Variants in TMEM117 observed in about 807,000 individuals in gnomAD.
TMEM117 encodes the protein transmembrane protein 117.
TMEM117 carries 27 observed loss-of-function variants against 52.4 expected under a neutral mutation model. That is an observed-to-expected ratio of 0.51 (90% CI 0.38 to 0.71). The LOEUF is 0.71. Ranked by LOEUF, TMEM117 falls within the 30% of genes least tolerant of loss-of-function variation. The pLI, the probability that TMEM117 is intolerant of heterozygous loss-of-function variation, is 0.00. For synonymous variants in TMEM117, 215 were observed against 206.3 expected (o/e 1.04, Z -0.36); for missense variants, 556 against 630.5 (o/e 0.88, Z 1.26).
chr12:44,240,269 C>A, intron 5 of TMEM117, among the ~76,000 whole-genome samples: 1 of 152,128 alleles, frequency 6.6e-6, no homozygotes, highest in East Asian at 1.9e-4. Flanking sequence ...CAGTTTGAAT[C>A]TTCACATTCC....
chr12:44,126,005 T>C (rs1232765472), intron 3 of TMEM117, among the ~76,000 whole-genome samples: 2 of 152,230 alleles, frequency 1.3e-5, no homozygotes, highest in Non-Finnish European at 2.9e-5. Context: ...TTGTTCAGTT[T>C]CCATGTAGTA....
chr12:44,117,184 G>C (rs1329093506), intron 3 of TMEM117, among the ~76,000 whole-genome samples: 1 of 152,058 alleles, frequency 6.6e-6, no homozygotes, highest in Non-Finnish European at 1.5e-5. Flanking sequence ...TAAGTGCCTT[G>C]AGTTCATCAT....
chr12:43,992,067 G>A (rs2137752231), intron 3 of TMEM117, among the ~76,000 whole-genome samples: 1 of 151,992 alleles, frequency 6.6e-6, no homozygotes, highest in African/African-American at 2.4e-5. Flanking sequence ...GGAGGCTGAG[G>A]TGGGAGGATC....
intron 6 of TMEM117, among the ~76,000 whole-genome samples, chr12:44,370,362 GA>G (rs920802264): frequency 6.6e-6 from 1 of 151,816 alleles, no homozygotes; most frequent in African/African-American, 2.4e-5. Context: ...AGTTTATAGG[GA>G]AAAAAATAAG....
intron 3 of TMEM117, among the ~76,000 whole-genome samples, chr12:44,115,949 A>G (rs1291390140): frequency 1.3e-5 from 2 of 152,130 alleles, no homozygotes; most frequent in East Asian, 1.9e-4. Context: ...TTATTGGTGT[A>G]TCTTTCTGTC....
the TMEM117 span, among the ~76,000 whole-genome samples, chr12:43,804,761 C>A: frequency 6.6e-6 from 1 of 152,124 alleles, no homozygotes; most frequent in Non-Finnish European, 1.5e-5. Context: ...TAAATATTAG[C>A]ATTTTAAAAG....
At chr12:44,123,146 T>C (rs1565837729) in intron 3 of TMEM117, among the ~76,000 whole-genome samples, 1 of 152,234 alleles carries the variant, frequency 6.6e-6, no homozygotes. Context: ...TTGATTTGCA[T>C]TTCTCTAATA....
intron 2 of TMEM117, among the ~76,000 whole-genome samples, chr12:43,849,088 CAG>C (rs1943261699): frequency 6.6e-6 from 1 of 152,156 alleles, no homozygotes; most frequent in South Asian, 2.1e-4. Context: ...CTCATTGACA[CAG>C]AGAATATTTA....
At chr12:43,897,949 A>G (rs1592343855) in intron 2 of TMEM117, among the ~76,000 whole-genome samples, 2 of 151,730 alleles carry the variant, frequency 1.3e-5, no homozygotes, top group South Asian at 4.1e-4. Flanking sequence ...TTTTTCTCTC[A>G]TGACCCTTGT....
chr12:43,815,812 C>T, the TMEM117 span, among the ~76,000 whole-genome samples: 1 of 152,164 alleles, frequency 6.6e-6, no homozygotes, highest in African/African-American at 2.4e-5. Flanking sequence ...TTTTGAACAC[C>T]GATGACAATG....
chr12:43,956,485 T>C (rs1296873231), intron 3 of TMEM117, among the ~76,000 whole-genome samples: 2 of 50,370 alleles, frequency 4.0e-5, no homozygotes, highest in Non-Finnish European at 7.2e-5. Flanking sequence ...GCAAAGGATA[T>C]AAACAGACAC....
At chr12:44,361,193 G>A (rs944346761) in intron 6 of TMEM117, among the ~76,000 whole-genome samples, 2 of 151,874 alleles carry the variant, frequency 1.3e-5, no homozygotes, top group South Asian at 2.1e-4. Context: ...AAAACTCCAC[G>A]CTATAATTTG....
At chr12:44,242,898 CT>C (rs1950081258) in intron 5 of TMEM117, among the ~76,000 whole-genome samples, 1 of 151,468 alleles carries the variant, frequency 6.6e-6, no homozygotes, top group East Asian at 1.9e-4. Context: ...TAAGTGTTCC[CT>C]TTTTTGTGCA....
intron 5 of TMEM117, among the ~76,000 whole-genome samples, chr12:44,263,068 A>T (rs902330386): frequency 3.3e-5 from 5 of 152,220 alleles, no homozygotes; most frequent in African/African-American, 1.2e-4. Flanking sequence ...GCTATGTCAC[A>T]GACAGGCAAT....
chr12:44,122,831 T>C (rs1006213838), intron 3 of TMEM117, among the ~76,000 whole-genome samples: 5 of 152,204 alleles, frequency 3.3e-5, no homozygotes, highest in African/African-American at 1.2e-4. Flanking sequence ...GCATTTAGGT[T>C]GATTCCCTGT....
At chr12:43,884,082 G>T (rs911864353) in intron 2 of TMEM117, among the ~76,000 whole-genome samples, 7 of 149,436 alleles carry the variant, frequency 4.7e-5, no homozygotes, top group Non-Finnish European at 7.4e-5. Flanking sequence ...GCTGCAGTGA[G>T]CCATGATCAC....
At chr12:44,118,960 C>T (rs1197407066) in intron 3 of TMEM117, among the ~76,000 whole-genome samples, 1 of 152,196 alleles carries the variant, frequency 6.6e-6, no homozygotes, top group Non-Finnish European at 1.5e-5. Context: ...CCCCCAATTC[C>T]TAAATAACCT....
chr12:43,800,294 ATAT>A, the TMEM117 span: 1 of 596,286 alleles, frequency 1.7e-6, no homozygotes, highest in Non-Finnish European at 2.9e-6. Flanking sequence ...GCTAACTTTA[ATAT>A]TATATGAAAT....
intron 3 of TMEM117, among the ~76,000 whole-genome samples, chr12:44,024,154 G>C (rs1430277107): frequency 6.6e-6 from 1 of 152,196 alleles, no homozygotes; most frequent in Non-Finnish European, 1.5e-5. Context: ...ATATTGCTAA[G>C]TGCAGCACTA....
Sources: gnomAD v4.1 joint callset for allele counts (sites outside exome capture counted in the v4.1 genomes callset) on GRCh38, gnomAD v4.1.1 for gene constraint, MANE v1.5 for transcripts, NCBI Gene and HGNC (gene_info 2026-07-23, HGNC 2026-07-21) for gene names.